Variants in SHOC2 observed in about 807,000 individuals in gnomAD.
SHOC2 encodes leucine-rich repeat protein SHOC-2.
SHOC2 carries 4 observed loss-of-function variants against 50.2 expected under a neutral mutation model. The observed-to-expected ratio is 0.08, with a 90% CI of 0.04 to 0.18. The LOEUF is 0.18. Among genes scored for constraint, SHOC2 ranks in the 10% least tolerant of loss-of-function variants. The probability of loss-of-function intolerance (pLI) is 1.00; values close to 1 mark genes in which losing one functional copy is unlikely to be tolerated. For missense variants in SHOC2, 388 were observed against 669.6 expected (o/e 0.58, Z 4.64); for synonymous variants, 218 against 244.5 (o/e 0.89, Z 1.01).
chr10:110,949,584 A>G (rs1279409882), intron 1 of SHOC2, among the ~76,000 whole-genome samples: 2 of 152,186 alleles, frequency 1.3e-5, no homozygotes, highest in African/African-American at 4.8e-5. Flanking sequence ...TCATTTTACA[A>G]GTCTGGTGTT....
chr10:110,926,610 C>T (rs1311206260), intron 1 of SHOC2, among the ~76,000 whole-genome samples: 1 of 152,144 alleles, frequency 6.6e-6, no homozygotes, highest in Non-Finnish European at 1.5e-5. Context: ...CAGTTTATAG[C>T]AACTTAATGT....
intron 2 of SHOC2, among the ~76,000 whole-genome samples, chr10:110,980,975 A>G (rs987044986): frequency 1.3e-5 from 2 of 152,272 alleles, no homozygotes; most frequent in East Asian, 1.9e-4. Context: ...TGTTTCCTGC[A>G]CTGCTGAATC....
chr10:111,012,138 T>C lies in SHOC2; in HGVS notation c.*320T>C, dbSNP rs1848577872. The C allele has an allele frequency of 4.0e-6, 1 of 250,370 alleles. No homozygotes were observed. Among genetic ancestry groups the C allele is most frequent in the Non-Finnish European group, 7.7e-6 (1 of 129,820 alleles). The allele number at this position is 250,370 out of a possible 1,614,324, so 15.5% of individuals were successfully genotyped here. A position where few individuals can be genotyped will look rare whatever the true frequency, so the allele number is the denominator to read the frequency against. ...ACAGAGGTAGTATAGTTAGATATAC[T>C]TTCTCTTAGGAAAAATAATGGGCAA... On this transcript the variant is annotated 3_prime_UTR_variant, in exon 9 of 9. Coordinates refer to ENST00000369452, the MANE Select transcript of SHOC2 (RefSeq NM_007373.4).
At chr10:110,975,682 A>G (rs1847864667) in intron 2 of SHOC2, among the ~76,000 whole-genome samples, 3 of 152,180 alleles carry the variant, frequency 2.0e-5, no homozygotes, top group Non-Finnish European at 2.9e-5. Flanking sequence ...TTTCCAGTGA[A>G]TTATATCAAT....
chr10:110,982,718 G>A (rs909161050), intron 2 of SHOC2, among the ~76,000 whole-genome samples: 4 of 151,940 alleles, frequency 2.6e-5, no homozygotes, highest in Non-Finnish European at 4.4e-5. Flanking sequence ...TTTTTTTCTT[G>A]TAAATTTTCT....
Position 111,012,048 on chromosome 10 carries a change from T to A in SHOC2, c.*230T>A. The A allele has an allele frequency of 1.9e-6, 1 of 536,578 alleles. No individual in the cohort carries two copies. Among genetic ancestry groups the A allele is most frequent in the Non-Finnish European group, 3.3e-6 (1 of 302,422 alleles). 33.2% of individuals were successfully genotyped at this position (536,578 alleles called of 1,614,324 possible). A position where few individuals can be genotyped will look rare whatever the true frequency, so the allele number is the denominator to read the frequency against. ...ATTTGATGGATGTTTTTCTGTTGTG[T>A]AATCTGATATGCCAGTTTGCTTAAA... On this transcript the variant is annotated 3_prime_UTR_variant, in exon 9 of 9. Coordinates refer to ENST00000369452, the MANE Select transcript of SHOC2 (RefSeq NM_007373.4).
intron 1 of SHOC2, among the ~76,000 whole-genome samples, chr10:110,933,959 C>T (rs143207552): frequency 4.5e-4 from 68 of 152,064 alleles, no homozygotes; most frequent in African/African-American, 1.4e-3. Context: ...GTGTTAAGCA[C>T]GATGTAGCTA....
chr10:110,940,170 C>T (rs529204629), intron 1 of SHOC2, among the ~76,000 whole-genome samples: 101 of 152,228 alleles, frequency 6.6e-4, no homozygotes, highest in African/African-American at 2.2e-3. Flanking sequence ...TTGAGATAGA[C>T]ATGTGGATTT....
intron 1 of SHOC2, among the ~76,000 whole-genome samples, chr10:110,947,189 C>T (rs1037353826): frequency 2.6e-5 from 4 of 152,192 alleles, no homozygotes; most frequent in African/African-American, 9.7e-5. Flanking sequence ...ACTGTGAACC[C>T]CAGCACTAGA....
chr10:111,007,698 G>C, intron 6 of SHOC2, 45 bp downstream of exon 6: 5 of 1,597,746 alleles, frequency 3.1e-6, no homozygotes, highest in Non-Finnish European at 3.4e-6. Flanking sequence ...CCTTCCATAC[G>C]TATCTCATTT....
intron 3 of SHOC2, among the ~76,000 whole-genome samples, chr10:110,990,187 C>G (rs1338913797): frequency 6.6e-6 from 1 of 152,246 alleles, no homozygotes; most frequent in Non-Finnish European, 1.5e-5. Context: ...CACCTGCAGC[C>G]CTGGTGCGGG....
rs1450594657 is a variant in SHOC2, at chr10:111,000,068, G to A, written c.842-347G>A. Among the ~76,000 whole-genome samples, 3 of 152,106 alleles carry A rather than the reference G, an allele frequency of 2.0e-5. No homozygotes were observed. The East Asian group carries it at 5.8e-4, about 29-fold the overall frequency. On this transcript the variant is annotated intron_variant, in intron 3 of 8. Coordinates refer to ENST00000369452, the MANE Select transcript of SHOC2 (RefSeq NM_007373.4). The stretch of plus-strand genomic sequence containing the variant: ...TGGATCATCATAACATAGAACAAAT[G>A]GAATAAGTATTGTAAGTTTAAAATA...
intron 1 of SHOC2, among the ~76,000 whole-genome samples, chr10:110,945,540 A>G (rs1164311379): frequency 3.3e-5 from 5 of 152,052 alleles, no homozygotes; most frequent in African/African-American, 7.2e-5. Flanking sequence ...AGTTGATTCT[A>G]TTTTCCAGTT....
chr10:110,953,724 A>T (rs1472497777), intron 1 of SHOC2, among the ~76,000 whole-genome samples: 1 of 151,462 alleles, frequency 6.6e-6, no homozygotes, highest in African/African-American at 2.4e-5. Flanking sequence ...ACACACACAC[A>T]CACGTGTATA....
At chr10:110,967,016 G>C (rs936332125) in intron 2 of SHOC2, among the ~76,000 whole-genome samples, 2 of 152,118 alleles carry the variant, frequency 1.3e-5, no homozygotes, top group Non-Finnish European at 2.9e-5. Context: ...TGGGTCATCT[G>C]TTTCTTTATA....
intron 1 of SHOC2, among the ~76,000 whole-genome samples, chr10:110,923,864 C>T (rs1441128801): frequency 1.3e-5 from 2 of 152,148 alleles, no homozygotes; most frequent in Non-Finnish European, 2.9e-5. Flanking sequence ...CCCTCAATTA[C>T]TATTTAAAAG....
At chr10:110,983,594 C>T (rs1405454801) in intron 2 of SHOC2, among the ~76,000 whole-genome samples, 1 of 152,110 alleles carries the variant, frequency 6.6e-6, no homozygotes, top group African/African-American at 2.4e-5. Flanking sequence ...CATTGCTGTG[C>T]AACGATTACC....
At chr10:110,970,788 T>A (rs1847767050) in intron 2 of SHOC2, among the ~76,000 whole-genome samples, 1 of 151,692 alleles carries the variant, frequency 6.6e-6, no homozygotes, top group Non-Finnish European at 1.5e-5. Context: ...AGATACCTTC[T>A]CATTGTACTT....
At chr10:110,976,644 T>C (rs1847883643) in intron 2 of SHOC2, among the ~76,000 whole-genome samples, 1 of 152,192 alleles carries the variant, frequency 6.6e-6, no homozygotes, top group Non-Finnish European at 1.5e-5. Flanking sequence ...TTTCCTAATA[T>C]AGCAATGCTA....
Sources: allele counts gnomAD v4.1 joint callset (sites outside exome capture counted in the v4.1 genomes callset), GRCh38; gene constraint gnomAD v4.1.1; transcripts MANE v1.5; gene names NCBI Gene and HGNC (gene_info 2026-07-23, HGNC 2026-07-21).